Variants in CNTN5 observed in about 807,000 individuals in gnomAD.
The protein encoded by CNTN5 is contactin 5.
Under a neutral mutation model 129.1 loss-of-function variants are expected in CNTN5, and 77 were observed. That is an observed-to-expected ratio of 0.60 (90% CI 0.50 to 0.72). CNTN5 has a LOEUF of 0.72. CNTN5 is among the 30% of genes least tolerant of loss of function. The probability of loss-of-function intolerance (pLI) is 0.00; values close to 1 mark genes in which losing one functional copy is unlikely to be tolerated. For missense variants in CNTN5, 1,478 were observed against 1,328.8 expected (o/e 1.11, Z -1.75); for synonymous variants, 509 against 465.6 (o/e 1.09, Z -1.20).
intron 1 of CNTN5, among the ~76,000 whole-genome samples, chr11:99,301,798 C>G (rs567637916): frequency 6.6e-6 from 1 of 151,714 alleles, no homozygotes; most frequent in South Asian, 2.1e-4. Flanking sequence ...TCTTAATGTA[C>G]ATGAAACTTC....
intron 1 of CNTN5, among the ~76,000 whole-genome samples, chr11:99,183,758 A>G (rs1291604296): frequency 6.6e-6 from 1 of 152,110 alleles, no homozygotes; most frequent in Non-Finnish European, 1.5e-5. Context: ...GGCTAGTCCA[A>G]CCTAACTGCG....
chr11:99,552,802 A>G (rs996161836), intron 2 of CNTN5, among the ~76,000 whole-genome samples: 1 of 152,084 alleles, frequency 6.6e-6, no homozygotes, highest in African/African-American at 2.4e-5. Context: ...TGTAATAGAT[A>G]TTTCTTTCTC....
chr11:99,737,548 T>C (rs1943751562), intron 3 of CNTN5, among the ~76,000 whole-genome samples: 1 of 152,192 alleles, frequency 6.6e-6, no homozygotes, highest in South Asian at 2.1e-4. Flanking sequence ...GTCTCTGTTT[T>C]GCAGTTTATT....
At chr11:99,063,591 T>A (rs1864978464) in intron 1 of CNTN5, among the ~76,000 whole-genome samples, 1 of 151,978 alleles carries the variant, frequency 6.6e-6, no homozygotes, top group Admixed American at 6.6e-5. Flanking sequence ...TACAGAAACA[T>A]TTTAGGAAAC....
chr11:99,837,499 G>A (rs1947343095), intron 4 of CNTN5, among the ~76,000 whole-genome samples: 1 of 151,870 alleles, frequency 6.6e-6, no homozygotes, highest in African/African-American at 2.4e-5. Flanking sequence ...TGACAAATAG[G>A]AGAGGATAAA....
At chr11:100,052,579 T>C (rs553895363) in intron 9 of CNTN5, among the ~76,000 whole-genome samples, 1 of 151,884 alleles carries the variant, frequency 6.6e-6, no homozygotes, top group South Asian at 2.1e-4. Context: ...AATAAGGAGA[T>C]ATACCGTGTT....
rs536148307 is a variant in CNTN5 at position 100,046,754 on chromosome 11, A to G, written c.981-14458A>G. Among the ~76,000 whole-genome samples the G allele has an allele frequency of 1.3e-3, 193 of 152,308 alleles. 1 individual carries two copies. Among genetic ancestry groups the G allele is most frequent in the Non-Finnish European group, 1.9e-3 (132 of 68,030 alleles). On this transcript the variant is annotated intron_variant, in intron 9 of 24. Coordinates refer to ENST00000524871, the MANE Select transcript of CNTN5 (RefSeq NM_014361.4). ...TAAGCATGGCAGGGTAGTTTGTACCATATTAGGCCTCAATTGTAGACTATG... is the reference window on the plus strand; with the variant it reads ...TAAGCATGGCAGGGTAGTTTGTACCGTATTAGGCCTCAATTGTAGACTATG...
At chr11:100,152,258 C>A (rs1947089632) in intron 13 of CNTN5, among the ~76,000 whole-genome samples, 1 of 152,090 alleles carries the variant, frequency 6.6e-6, no homozygotes, top group African/African-American at 2.4e-5. Flanking sequence ...TTGCTGTATT[C>A]TGTGGCGTTA....
intron 2 of CNTN5, among the ~76,000 whole-genome samples, chr11:99,368,879 T>C (rs1459388467): frequency 6.6e-6 from 1 of 151,976 alleles, no homozygotes; most frequent in African/African-American, 2.4e-5. Context: ...ACGTAAGAGT[T>C]TCTAAGCAGT....
At chr11:99,679,377 G>A (rs1319950466) in intron 3 of CNTN5, among the ~76,000 whole-genome samples, 1 of 151,894 alleles carries the variant, frequency 6.6e-6, no homozygotes, top group Non-Finnish European at 1.5e-5. Context: ...AAGCTTACCA[G>A]TACCATTTTC....
chr11:99,185,950 G>A (rs1317934761), intron 1 of CNTN5, among the ~76,000 whole-genome samples: 1 of 144,372 alleles, frequency 6.9e-6, no homozygotes, highest in Non-Finnish European at 1.5e-5. Flanking sequence ...CAAAATTAAG[G>A]AGAGGAAATA....
chr11:99,322,360 A>G (rs1463412549), intron 1 of CNTN5, among the ~76,000 whole-genome samples: 1 of 152,162 alleles, frequency 6.6e-6, no homozygotes, highest in East Asian at 1.9e-4. Flanking sequence ...TACATTTAAT[A>G]AGGTAATTTG....
chr11:99,351,318 C>T (rs1938283292), intron 2 of CNTN5, among the ~76,000 whole-genome samples: 1 of 152,154 alleles, frequency 6.6e-6, no homozygotes, highest in African/African-American at 2.4e-5. Flanking sequence ...GAATTATTGG[C>T]CCTGTTTTGT....
intron 1 of CNTN5, among the ~76,000 whole-genome samples, chr11:99,307,376 T>C (rs1180304084): frequency 2.0e-5 from 3 of 152,188 alleles, no homozygotes; most frequent in Non-Finnish European, 4.4e-5. Context: ...TTGTGTTTTG[T>C]TTTGTTTTTA....
chr11:99,685,927 A>T (rs528131300), intron 3 of CNTN5, among the ~76,000 whole-genome samples: 1 of 152,074 alleles, frequency 6.6e-6, no homozygotes, highest in East Asian at 1.9e-4. Context: ...AATTACCTCT[A>T]TTCCCACTTC....
rs375492865 is a variant in CNTN5 at position 99,994,757 on chromosome 11, TG to T, written c.878-7275del. Among the ~76,000 whole-genome samples, 241 of 152,312 alleles carry T rather than the reference TG, an allele frequency of 1.6e-3. 3 individuals are homozygous for T. Among genetic ancestry groups the T allele is most frequent in the African/African-American group, 5.5e-3 (228 of 41,570 alleles). On this transcript the variant is annotated intron_variant, in intron 8 of 24. Coordinates refer to ENST00000524871, the MANE Select transcript of CNTN5 (RefSeq NM_014361.4). ...ATAGGTAGCTTCTAAACAGGATGCC[TG>T]GAGTCTTCCTATGGGGCTTACAAGT...
intron 7 of CNTN5, among the ~76,000 whole-genome samples, chr11:99,943,417 T>C (rs1179720406): frequency 6.6e-6 from 1 of 152,194 alleles, no homozygotes; most frequent in African/African-American, 2.4e-5. Flanking sequence ...AAGTTCCTTG[T>C]AGATTCTGGA....
intron 1 of CNTN5, among the ~76,000 whole-genome samples, chr11:99,138,219 G>C (rs570840547): frequency 1.3e-5 from 2 of 151,950 alleles, no homozygotes; most frequent in Non-Finnish European, 2.9e-5. Context: ...ATAGGTGTTA[G>C]GTGTTTCTAT....
intron 18 of CNTN5, among the ~76,000 whole-genome samples, chr11:100,288,225 C>A (rs1950848024): frequency 6.6e-6 from 1 of 152,066 alleles, no homozygotes; most frequent in Admixed American, 6.5e-5. Context: ...CAAGGATACC[C>A]AGGAATTGAA....
Sources: allele counts gnomAD v4.1 joint callset (sites outside exome capture counted in the v4.1 genomes callset), GRCh38; gene constraint gnomAD v4.1.1; transcripts MANE v1.5; gene names NCBI Gene and HGNC (gene_info 2026-07-23, HGNC 2026-07-21).